PLEKHA1: variants seen among roughly 807,000 people sequenced by gnomAD.
PLEKHA1 encodes the protein pleckstrin homology domain-containing family A member 1.
PLEKHA1 carries 34 observed loss-of-function variants against 52.0 expected under a neutral mutation model. The ratio of observed to expected loss-of-function variants is 0.65; its 90% confidence interval spans 0.50 to 0.87. PLEKHA1 has a LOEUF of 0.87. Among genes scored for constraint, PLEKHA1 ranks in the 40% least tolerant of loss-of-function variants. PLEKHA1 has a pLI of 0.00. For synonymous variants in PLEKHA1, 163 were observed against 170.7 expected (o/e 0.95, Z 0.35); for missense variants, 497 against 504.2 (o/e 0.99, Z 0.14).
At chr10:122,424,335 T>C in intron 9 of PLEKHA1, 72 bp downstream of exon 9, 1 of 1,445,482 alleles carries the variant, frequency 6.9e-7, no homozygotes. Flanking sequence ...TTGAGTAATG[T>C]ACTTACAGAT....
chr10:122,383,313 G>GTTTTTTT (rs58485855), intron 1 of PLEKHA1, among the ~76,000 whole-genome samples: 3 of 128,390 alleles, frequency 2.3e-5, no homozygotes, highest in African/African-American at 5.8e-5. Flanking sequence ...CTTTCTTTCT[G>GTTTTTTT]TTTTTTTTTT....
At chr10:122,417,862 A>G (rs746718212) in intron 7 of PLEKHA1, 38 bp from the exon 8 acceptor site, 1 of 1,509,278 alleles carries the variant, frequency 6.6e-7, no homozygotes, top group Middle Eastern at 1.7e-4. Context: ...TGACATTCTT[A>G]GAAACACAAG....
chr10:122,392,884 A>T (rs964534893), intron 1 of PLEKHA1, among the ~76,000 whole-genome samples: 1 of 151,816 alleles, frequency 6.6e-6, no homozygotes, highest in Non-Finnish European at 1.5e-5. Context: ...TTGGATAACT[A>T]TTTTTTTTGG....
rs113411352 is a variant in PLEKHA1 at position 122,426,790 on chromosome 10, T to G, written c.811-152T>G. ...GTTAAGACCTAGCAAAACCTGGCTT[T>G]AAAAAAATGATTTCTAAATTTTTTG... On this transcript the variant is annotated intron_variant, in intron 10 of 11. Coordinates refer to ENST00000368990, the MANE Select transcript of PLEKHA1 (RefSeq NM_001001974.4). 1,143 of 678,102 alleles carry G rather than the reference T, an allele frequency of 1.7e-3. 3 individuals are homozygous for G. Among genetic ancestry groups the G allele is most frequent in the Non-Finnish European group, 2.3e-3 (934 of 414,240 alleles). 42.0% of individuals were successfully genotyped at this position (678,102 alleles called of 1,614,324 possible).
intron 6 of PLEKHA1, among the ~76,000 whole-genome samples, chr10:122,415,275 A>C (rs1383099942): frequency 6.6e-6 from 1 of 152,212 alleles, no homozygotes; most frequent in Non-Finnish European, 1.5e-5. Flanking sequence ...CTTGGAGAAC[A>C]GATTAGTGGC....
intron 4 of PLEKHA1, among the ~76,000 whole-genome samples, chr10:122,404,937 A>C (rs2096986107): frequency 6.6e-6 from 1 of 152,174 alleles, no homozygotes; most frequent in African/African-American, 2.4e-5. Context: ...ATATCTTTTA[A>C]AATTTTGGTG....
intron 2 of PLEKHA1, among the ~76,000 whole-genome samples, chr10:122,396,474 T>G (rs1164327741): frequency 6.6e-6 from 1 of 152,122 alleles, no homozygotes; most frequent in East Asian, 1.9e-4. Flanking sequence ...ATTTGGAAGC[T>G]TGTACGTAGT....
chr10:122,375,188 C>T (rs2096509340), intron 1 of PLEKHA1, among the ~76,000 whole-genome samples: 1 of 151,994 alleles, frequency 6.6e-6, no homozygotes, highest in Admixed American at 6.5e-5. Flanking sequence ...CTCGGCGTCT[C>T]CGCCCCCCGA....
At chr10:122,388,297 G>A (rs2096729081) in intron 1 of PLEKHA1, among the ~76,000 whole-genome samples, 1 of 152,012 alleles carries the variant, frequency 6.6e-6, no homozygotes, top group Admixed American at 6.6e-5. Context: ...CATTTAGCAT[G>A]TTTCTGAGGT....
At chr10:122,379,825 T>G (rs1054642227) in intron 1 of PLEKHA1, among the ~76,000 whole-genome samples, 37 of 152,244 alleles carry the variant, frequency 2.4e-4, no homozygotes, top group African/African-American at 8.7e-4. Flanking sequence ...TGTACAGAAT[T>G]TAATTTTTCT....
rs139625075 is a variant in PLEKHA1, at chr10:122,412,961, A to G, written c.384A>G (p.Leu128=). 3.2e-4 allele frequency: 520 copies of G among 1,613,574 alleles called. 2 individuals are homozygous for G. The African/African-American group carries it at 6.3e-3, about 19-fold the overall frequency. The change falls in exon 6 of 12, where the codon CTA becomes CTG. Residue 128 remains leucine (L), a synonymous_variant. Coordinates refer to ENST00000368990, the MANE Select transcript of PLEKHA1 (RefSeq NM_001001974.4). ...ACTCACAGCCTAATTCTGATAACCTAAGTCGCCATGGTGAATGTGGGAAAA... is the reference window on the plus strand; with the variant it reads ...ACTCACAGCCTAATTCTGATAACCTGAGTCGCCATGGTGAATGTGGGAAAA... ...QSDSQPNSDN[L]SRHGECGKKQ... is the part of the protein sequence containing the mutation.
At position 122,429,872 on chromosome 10, in the gene PLEKHA1, C is replaced by T. The variant is rs1184496561; in HGVS notation, c.1149C>T (p.Gly383=). The part of the protein sequence containing the change: ...QALLRPQSKN[G]PQEKDCDLVD... ...TGTTAAGACCTCAAAGTAAAAATGG[C>T]CCTCAGGAAAAAGATTGTGACCTAG... Residue 383 remains glycine (G), a synonymous_variant, in exon 12 of 12, where the codon GGC becomes GGT. Coordinates refer to ENST00000368990, the MANE Select transcript of PLEKHA1 (RefSeq NM_001001974.4). 2 of 1,614,114 alleles carry T rather than the reference C, an allele frequency of 1.2e-6. No individual in the cohort carries two copies. The highest frequency in any genetic ancestry group is 1.7e-6 in the Non-Finnish European group (2 of 1,180,020).
At chr10:122,395,621 TAG>T (rs555496373) in intron 2 of PLEKHA1, among the ~76,000 whole-genome samples, 2,106 of 152,270 alleles carry the variant, frequency 0.014, 28 homozygotes, top group Non-Finnish European at 0.018. Context: ...TGGTTCAATC[TAG>T]TTGCTTATGT....
chr10:122,424,379 A>C (rs914283043), intron 9 of PLEKHA1, 116 bp downstream of exon 9: 78 of 1,197,402 alleles, frequency 6.5e-5, no homozygotes, highest in Non-Finnish European at 8.5e-5. Context: ...GTTATTTTTA[A>C]CTCTTTATAG....
chr10:122,386,113 G>C (rs2096692347), intron 1 of PLEKHA1, among the ~76,000 whole-genome samples: 1 of 152,172 alleles, frequency 6.6e-6, no homozygotes, highest in South Asian at 2.1e-4. Flanking sequence ...ATATATGATA[G>C]TTCGTTTATT....
chr10:122,392,430 C>G (rs1191718616), intron 1 of PLEKHA1: 1 of 152,088 alleles, frequency 6.6e-6, no homozygotes, highest in African/African-American at 2.4e-5. Flanking sequence ...GCTTTATGTT[C>G]ACATGATAGG....
chr10:122,429,749 A>C lies in PLEKHA1; in HGVS notation c.1026A>C (p.Arg342=). Residue 342 remains arginine (R), a synonymous_variant, in exon 12 of 12, where the codon CGA becomes CGC. Transcript: ENST00000368990. ...TCTCAACCTTTACCATGGAGAAGCG[A>C]GGATTTTACGAGTCTCTTGCCAAGG... The part of the protein sequence containing the change: ...SLVSTFTMEK[R]GFYESLAKVK... The C allele has an allele frequency of 6.2e-7, 1 of 1,614,206 alleles. No homozygotes were observed. The highest frequency in any genetic ancestry group is 8.5e-7 in the Non-Finnish European group (1 of 1,180,040).
At chr10:122,428,387 G>A in intron 11 of PLEKHA1, 1 of 1,535,014 alleles carries the variant, frequency 6.5e-7, no homozygotes, top group Non-Finnish European at 8.8e-7. Flanking sequence ...TTAGTGGAGG[G>A]CCCAGACTTA....
At chr10:122,425,215 T>C in intron 10 of PLEKHA1, 1 of 305,562 alleles carries the variant, frequency 3.3e-6, no homozygotes. Flanking sequence ...ATTTAGATGT[T>C]AAGTGTGTAC....
Sources: gnomAD v4.1 joint callset for allele counts (sites outside exome capture counted in the v4.1 genomes callset) on GRCh38, gnomAD v4.1.1 for gene constraint, MANE v1.5 for transcripts, NCBI Gene and HGNC (gene_info 2026-07-23, HGNC 2026-07-21) for gene names.